The following ARPC1A variants were observed in gnomAD, a reference collection of about 807,000 sequenced individuals.
ARPC1A encodes the protein actin related protein 2/3 complex subunit 1A.
Under a neutral mutation model 46.9 loss-of-function variants are expected in ARPC1A, and 8 were observed. The observed-to-expected ratio is 0.17, with a 90% CI of 0.10 to 0.31. The LOEUF is 0.31. ARPC1A is among the 10% of genes least tolerant of loss of function. The pLI, the probability that ARPC1A is intolerant of heterozygous loss-of-function variation, is 1.00. For missense variants in ARPC1A, 286 were observed against 483.6 expected, an observed-to-expected ratio of 0.59 and a Z score of 3.83; for synonymous variants, 152 against 169.0, an observed-to-expected ratio of 0.90 and a Z score of 0.78.
intron 3 of ARPC1A, among the ~76,000 whole-genome samples, chr7:99,341,958 C>T (rs1045145103): frequency 3.3e-5 from 5 of 152,102 alleles, no homozygotes; most frequent in African/African-American, 4.8e-5. Context: ...GTCCATACTA[C>T]AAAGAAAAGA....
chr7:99,363,296 C>T (rs1793773685), intron 8 of ARPC1A, among the ~76,000 whole-genome samples: 1 of 152,070 alleles, frequency 6.6e-6, no homozygotes, highest in Admixed American at 6.6e-5. Flanking sequence ...AATTCATTTC[C>T]TGGTGGAGCG....
At chr7:99,333,489 G>A (rs1793183652) in intron 2 of ARPC1A, 72 bp downstream of exon 2, 2 of 1,325,038 alleles carry the variant, frequency 1.5e-6, no homozygotes, top group Non-Finnish European at 2.2e-6. Flanking sequence ...CACATTTAGG[G>A]CTCACATATC....
At chr7:99,348,779 C>T in intron 4 of ARPC1A, 73 bp from the exon 5 acceptor site, 3 of 1,126,662 alleles carry the variant, frequency 2.7e-6, no homozygotes, top group Admixed American at 2.2e-5. Context: ...GTATTTTCAC[C>T]TGACATACAT....
intron 1 of ARPC1A, among the ~76,000 whole-genome samples, chr7:99,332,909 T>G (rs1793171158): frequency 8.2e-6 from 1 of 121,700 alleles, no homozygotes; most frequent in African/African-American, 5.2e-5. Context: ...CGGCCTTTTT[T>G]TTTTTGAGAC....
At chr7:99,355,637 G>A (rs192988661) in intron 6 of ARPC1A, among the ~76,000 whole-genome samples, 45 of 151,956 alleles carry the variant, frequency 3.0e-4, no homozygotes, top group Non-Finnish European at 4.7e-4. Context: ...CCAGCTACTC[G>A]GGAGGCTGAG....
At chr7:99,359,210 T>G (rs1486651904) in intron 7 of ARPC1A, among the ~76,000 whole-genome samples, 1 of 149,630 alleles carries the variant, frequency 6.7e-6, no homozygotes, top group East Asian at 2.1e-4. Flanking sequence ...CCAAGGCGGG[T>G]GGTTCACTTG....
intron 2 of ARPC1A, 112 bp from the exon 3 acceptor site, chr7:99,338,069 A>G (rs776302980): frequency 9.3e-5 from 67 of 716,774 alleles, no homozygotes; most frequent in Admixed American, 4.8e-4. Context: ...TACTTTTTCA[A>G]AAGTTTTTCT....
In ARPC1A at chr7:99,354,007, G is replaced by C; in HGVS notation, c.599G>C (p.Gly200Ala). 6.2e-7 allele frequency: 1 copy of C among 1,614,026 alleles called. No individual in the cohort carries two copies. Among genetic ancestry groups the C allele is most frequent in the Non-Finnish European group, 8.5e-7 (1 of 1,179,906 alleles). Reference protein sequence around the residue: ...PFGQLMSEFGGSGTGGWVHGV... With the variant: ...PFGQLMSEFGASGTGGWVHGV... ...GGGCAGCTGATGTCAGAGTTTGGTG[G>C]CAGTGGCACTGGTGGCTGGGTCCAC... Residue 200 changes from glycine (G) to alanine (A), a missense_variant, in exon 6 of 10, where the codon GGC becomes GCC. By Grantham distance (60) the Gly-to-Ala change is moderately conservative (BLOSUM62 0). Around this residue, in one of 5 missense-constraint regions of ARPC1A, gnomAD observed 182 missense variants for 276.7 expected, o/e 0.66. Coordinates refer to ENST00000262942, the MANE Select transcript of ARPC1A (RefSeq NM_006409.4).
At chr7:99,357,357 C>T (rs1412719969) in intron 6 of ARPC1A, among the ~76,000 whole-genome samples, 1 of 151,848 alleles carries the variant, frequency 6.6e-6, no homozygotes, top group Non-Finnish European at 1.5e-5. Context: ...ATACAGTTAG[C>T]TTTTTTTTAT....
At position 99,349,224 on chromosome 7, in the gene ARPC1A, T is replaced by A. The variant is rs187022178; in HGVS notation, c.500+265T>A. Among the ~76,000 whole-genome samples, 293 of 152,032 alleles carry A rather than the reference T, an allele frequency of 1.9e-3. 1 individual carries two copies. Among genetic ancestry groups the A allele is most frequent in the South Asian group, 8.3e-3 (40 of 4,814 alleles). ...TGCCACCACACCTGGCTAATTTTTT[T>A]AAAATTGTCTTTATTCTTTGTAGAG... On this transcript the variant is annotated intron_variant, in intron 5 of 9. Transcript: ENST00000262942.
At chr7:99,328,603 A>T (rs1793091469) in intron 1 of ARPC1A, among the ~76,000 whole-genome samples, 1 of 152,098 alleles carries the variant, frequency 6.6e-6, no homozygotes, top group Admixed American at 6.6e-5. Context: ...TCGGCTTCAG[A>T]GCCCATGGCT....
chr7:99,334,662 CTTCT>C (rs1308575877), intron 2 of ARPC1A, among the ~76,000 whole-genome samples: 3 of 151,908 alleles, frequency 2.0e-5, no homozygotes, highest in African/African-American at 7.2e-5. Flanking sequence ...TCATTTTTTT[CTTCT>C]TTTTTTCTGT....
chr7:99,355,056 G>A (rs1793606672), intron 6 of ARPC1A, among the ~76,000 whole-genome samples: 1 of 151,290 alleles, frequency 6.6e-6, no homozygotes, highest in Non-Finnish European at 1.5e-5. Flanking sequence ...GGAGGTTGCA[G>A]TGAGCCAAGA....
At chr7:99,344,597 G>A in intron 4 of ARPC1A, 82 bp downstream of exon 4, 1 of 1,398,956 alleles carries the variant, frequency 7.1e-7, no homozygotes, top group East Asian at 2.3e-5. Flanking sequence ...CATAACTCCA[G>A]TTTTTCTCAT....
intron 3 of ARPC1A, among the ~76,000 whole-genome samples, chr7:99,340,329 AT>A: frequency 6.6e-6 from 1 of 152,190 alleles, no homozygotes; most frequent in African/African-American, 2.4e-5. Flanking sequence ...TGCCCAGCTA[AT>A]TTTTGTATTT....
rs1793696829 is a variant in ARPC1A at position 99,359,301 on chromosome 7, T to A, written c.790-244T>A. ...AAACACAAAAATTAGCCAGGCATGG[T>A]GGCAGACGCCTGTAATCCCAGCTAC... On this transcript the variant is annotated intron_variant, in intron 7 of 9. Coordinates refer to ENST00000262942, the MANE Select transcript of ARPC1A (RefSeq NM_006409.4). Among the ~76,000 whole-genome samples the A allele has an allele frequency of 3.3e-5, 5 of 152,058 alleles. No homozygotes were observed. The South Asian group carries it at 8.3e-4, about 25-fold the overall frequency.
chr7:99,358,586 G>C, intron 7 of ARPC1A, 171 bp downstream of exon 7: 1 of 600,160 alleles, frequency 1.7e-6, no homozygotes, highest in Non-Finnish European at 2.8e-6. Context: ...TTGTTGCCCA[G>C]GCTGGAGTGC....
intron 3 of ARPC1A, among the ~76,000 whole-genome samples, chr7:99,339,640 T>TTTCC: frequency 6.6e-6 from 1 of 152,370 alleles, no homozygotes; most frequent in South Asian, 2.1e-4. Context: ...GCATTCATGA[T>TTTCC]TGTTTCTGAG....
chr7:99,343,765 G>A (rs781151134), intron 3 of ARPC1A, among the ~76,000 whole-genome samples: 28 of 152,170 alleles, frequency 1.8e-4, no homozygotes, highest in Non-Finnish European at 4.4e-5. Context: ...TGGTTCAACT[G>A]GCAGTGACTT....
Sources: gnomAD v4.1 joint callset for allele counts (sites outside exome capture counted in the v4.1 genomes callset) on GRCh38, gnomAD v4.1.1 for gene constraint, gnomAD v4.1.1 regional missense constraint, MANE v1.5 for transcripts, NCBI Gene and HGNC (gene_info 2026-07-23, HGNC 2026-07-21) for gene names.